ASIC2: variants seen among roughly 807,000 people sequenced by gnomAD.
ASIC2 encodes the protein acid-sensing ion channel 2.
Under a neutral mutation model 57.3 loss-of-function variants are expected in ASIC2, and 25 were observed. That is an observed-to-expected ratio of 0.44 (90% CI 0.32 to 0.61). ASIC2 has a LOEUF of 0.61. ASIC2 is among the 20% of genes least tolerant of loss of function. The pLI is 0.06. For missense variants in ASIC2, 641 were observed against 738.1 expected (o/e 0.87, Z 1.52); for synonymous variants, 319 against 307.5 (o/e 1.04, Z -0.39).
intron 1 of ASIC2, among the ~76,000 whole-genome samples, chr17:33,724,256 T>C (rs1431432923): frequency 6.6e-6 from 1 of 152,208 alleles, no homozygotes; most frequent in African/African-American, 2.4e-5. Context: ...TTAAACCTCT[T>C]TTTCTTTATG....
intron 1 of ASIC2, among the ~76,000 whole-genome samples, chr17:33,381,025 G>A (rs554727657): frequency 2.6e-5 from 4 of 152,254 alleles, no homozygotes; most frequent in South Asian, 2.1e-4. Flanking sequence ...CTGGAATCTC[G>A]GCTCACAGTT....
At chr17:33,401,225 A>G (rs1243606955) in intron 1 of ASIC2, among the ~76,000 whole-genome samples, 2 of 152,236 alleles carry the variant, frequency 1.3e-5, no homozygotes, top group South Asian at 2.1e-4. Context: ...CTAAAAAAGC[A>G]TAATCTTCCC....
intron 1 of ASIC2, among the ~76,000 whole-genome samples, chr17:33,893,460 C>T (rs947503425): frequency 1.3e-5 from 2 of 152,112 alleles, no homozygotes; most frequent in African/African-American, 4.8e-5. Flanking sequence ...TCAGGTATGG[C>T]AAATAGATTT....
chr17:34,095,368 A>G (rs1316730889), intron 1 of ASIC2, among the ~76,000 whole-genome samples: 1 of 152,088 alleles, frequency 6.6e-6, no homozygotes, highest in Non-Finnish European at 1.5e-5. Flanking sequence ...AGTGCCATCA[A>G]AGACAGGCTG....
In ASIC2 at chr17:33,163,750, T is replaced by C. The variant is rs574464575; in HGVS notation, c.709-51683A>G. 5.9e-5 allele frequency among the ~76,000 whole-genome samples: 9 copies of C among 152,210 alleles called. No individual in the cohort carries two copies. The South Asian group carries it at 1.7e-3, about 28-fold the overall frequency. ...GAAACAAGTCCAATATGACATGTAA[T>C]ATATCCGATGATGTTAAGTGCTGTG... On this transcript the variant is annotated intron_variant, in intron 1 of 9. Coordinates refer to ENST00000225823, the MANE Select transcript of ASIC2 (RefSeq NM_183377.2).
In ASIC2 at chr17:33,139,695, G is replaced by A. The variant is rs535901308; in HGVS notation, c.709-27628C>T. On this transcript the variant is annotated intron_variant, in intron 1 of 9. Transcript: ENST00000225823. ...CCCTCCTGCTGGTCTCTCAGACTGGGCCCCTGGTTTCAAAGACTCACTCCC... is the reference window on the plus strand; with the variant it reads ...CCCTCCTGCTGGTCTCTCAGACTGGACCCCTGGTTTCAAAGACTCACTCCC... Among the ~76,000 whole-genome samples, 3 of 152,262 alleles carry A rather than the reference G, an allele frequency of 2.0e-5. No homozygotes were observed. In the South Asian group the frequency reaches 6.2e-4, roughly 32 times the overall value.
At chr17:33,101,554 A>G (rs756580229) in intron 2 of ASIC2, among the ~76,000 whole-genome samples, 7 of 152,104 alleles carry the variant, frequency 4.6e-5, no homozygotes, top group Non-Finnish European at 7.4e-5. Flanking sequence ...TCTTGGTTTT[A>G]AAAAATTTTA....
intron 1 of ASIC2, chr17:33,932,741 A>AAAAATAT (rs1555572867): frequency 5.1e-5 from 3 of 58,714 alleles, no homozygotes; most frequent in African/African-American, 2.0e-4. Flanking sequence ...AAAAAAAAAA[A>AAAAATAT]ATATATATAT....
intron 1 of ASIC2, among the ~76,000 whole-genome samples, chr17:33,235,180 C>T (rs1486295657): frequency 1.3e-5 from 2 of 152,214 alleles, no homozygotes; most frequent in African/African-American, 4.8e-5. Context: ...GTGGCTCATA[C>T]ATCTTCAGTC....
chr17:33,723,030 A>G (rs1241256106), intron 1 of ASIC2, among the ~76,000 whole-genome samples: 1 of 152,226 alleles, frequency 6.6e-6, no homozygotes, highest in Non-Finnish European at 1.5e-5. Flanking sequence ...AAATCTGCCA[A>G]TTTTATTAAG....
chr17:33,399,666 C>T (rs1449078281), intron 1 of ASIC2, among the ~76,000 whole-genome samples: 1 of 152,244 alleles, frequency 6.6e-6, no homozygotes, highest in Non-Finnish European at 1.5e-5. Context: ...TGTGATGCCC[C>T]TTCCCCTTAA....
intron 1 of ASIC2, among the ~76,000 whole-genome samples, chr17:33,280,422 GTA>G (rs564502289): frequency 6.7e-6 from 1 of 148,364 alleles, no homozygotes. Context: ...AAGCCTGCCT[GTA>G]TACATCCTGC....
chr17:33,904,866 T>C (rs317352), intron 1 of ASIC2, among the ~76,000 whole-genome samples: 135,949 of 152,250 alleles, frequency 0.89, 60,915 homozygotes, highest in African/African-American at 0.97. Context: ...AGAACCACAC[T>C]CTTCTTGCGA....
chr17:34,089,990 G>A (rs1910265293), intron 1 of ASIC2, among the ~76,000 whole-genome samples: 1 of 152,104 alleles, frequency 6.6e-6, no homozygotes, highest in South Asian at 2.1e-4. Context: ...CTCACACCTT[G>A]GGCCTCTGAC....
chr17:33,578,901 G>C (rs959622187), intron 1 of ASIC2, among the ~76,000 whole-genome samples: 1 of 152,210 alleles, frequency 6.6e-6, no homozygotes, highest in Non-Finnish European at 1.5e-5. Context: ...TGCCACAGCA[G>C]GCAAGAAAAG....
chr17:33,128,210 C>A (rs538989235), intron 1 of ASIC2, among the ~76,000 whole-genome samples: 242 of 152,354 alleles, frequency 1.6e-3, no homozygotes, highest in African/African-American at 5.6e-3. Flanking sequence ...TCCCCTCCAT[C>A]CTGTCACACT....
At chr17:33,408,236 A>G (rs545400302) in intron 1 of ASIC2, among the ~76,000 whole-genome samples, 17 of 152,168 alleles carry the variant, frequency 1.1e-4, no homozygotes, top group Non-Finnish European at 2.1e-4. Flanking sequence ...CGTTTGTTGC[A>G]TTTTGTGGCT....
intron 1 of ASIC2, among the ~76,000 whole-genome samples, chr17:33,347,205 A>G (rs769815354): frequency 2.6e-5 from 4 of 152,236 alleles, no homozygotes; most frequent in Admixed American, 6.5e-5. Context: ...CTTCATTCAT[A>G]GAGACACGAG....
chr17:33,087,434 A>G (rs984884472), intron 3 of ASIC2, among the ~76,000 whole-genome samples: 11 of 151,954 alleles, frequency 7.2e-5, no homozygotes, highest in African/African-American at 2.7e-4. Flanking sequence ...CCCATTCCCT[A>G]TGTGCTTCAG....
Sources: allele counts gnomAD v4.1 joint callset (sites outside exome capture counted in the v4.1 genomes callset), GRCh38; gene constraint gnomAD v4.1.1; transcripts MANE v1.5; gene names NCBI Gene and HGNC (gene_info 2026-07-23, HGNC 2026-07-21).